The following CERT1 variants were observed in gnomAD, a reference collection of about 807,000 sequenced individuals.
The protein encoded by CERT1 is ceramide transfer protein.
A neutral mutation model predicts 87.9 loss-of-function variants in CERT1; 31 were observed. That is an observed-to-expected ratio of 0.35 (90% CI 0.27 to 0.48). The LOEUF is 0.48. CERT1 is among the 20% of genes least tolerant of loss of function. The pLI, the probability that CERT1 is intolerant of heterozygous loss-of-function variation, is 0.99. For synonymous variants in CERT1, 289 were observed against 250.9 expected, an observed-to-expected ratio of 1.15 and a Z score of -1.44; for missense variants, 487 against 758.0, an observed-to-expected ratio of 0.64 and a Z score of 4.20.
chr5:75,498,229 C>T (rs975337780), intron 2 of CERT1, among the ~76,000 whole-genome samples: 2 of 152,184 alleles, frequency 1.3e-5, no homozygotes, highest in Non-Finnish European at 2.9e-5. Flanking sequence ...GGAAAATCTG[C>T]AGCCTGTTGA....
intron 2 of CERT1, among the ~76,000 whole-genome samples, chr5:75,497,811 G>A (rs1300850101): frequency 7.2e-5 from 11 of 152,150 alleles, no homozygotes; most frequent in African/African-American, 1.2e-4. Flanking sequence ...AAGTGGTACC[G>A]TAGAGAGTGG....
At chr5:75,479,659 T>TTAGATAAAGAAAATG (rs1766135370) in intron 2 of CERT1, among the ~76,000 whole-genome samples, 1 of 152,248 alleles carries the variant, frequency 6.6e-6, no homozygotes, top group Non-Finnish European at 1.5e-5. Context: ...ATGGTGTCTA[T>TTAGATAAAGAAAATG]GTACCACATT....
At chr5:75,510,256 A>T (rs907195832) in intron 1 of CERT1, among the ~76,000 whole-genome samples, 1 of 152,174 alleles carries the variant, frequency 6.6e-6, no homozygotes, top group Non-Finnish European at 1.5e-5. Context: ...AGAGAAGTCA[A>T]AAAGGCTACG....
intron 2 of CERT1, among the ~76,000 whole-genome samples, chr5:75,479,809 T>A (rs1050419174): frequency 6.6e-6 from 1 of 152,212 alleles, no homozygotes; most frequent in South Asian, 2.1e-4. Context: ...ATATATTCAG[T>A]AATGGAATTG....
At chr5:75,420,308 G>T (rs1280328363) in intron 5 of CERT1, among the ~76,000 whole-genome samples, 1 of 151,048 alleles carries the variant, frequency 6.6e-6, no homozygotes, top group Non-Finnish European at 1.5e-5. Context: ...TTTCTGATGT[G>T]CAAGGAAAAT....
At chr5:75,449,391 C>T (rs1764685446) in intron 3 of CERT1, among the ~76,000 whole-genome samples, 1 of 152,194 alleles carries the variant, frequency 6.6e-6, no homozygotes, top group Non-Finnish European at 1.5e-5. Flanking sequence ...GTTAAGTATA[C>T]AATTCCAACT....
chr5:75,463,322 A>G (rs1487269867), intron 2 of CERT1, among the ~76,000 whole-genome samples: 2 of 152,214 alleles, frequency 1.3e-5, no homozygotes, highest in African/African-American at 4.8e-5. Flanking sequence ...TTTGTCCATT[A>G]GAATTTTTTG....
intron 2 of CERT1, among the ~76,000 whole-genome samples, chr5:75,489,806 C>A (rs866129438): frequency 2.6e-5 from 4 of 152,248 alleles, no homozygotes; most frequent in Middle Eastern, 3.4e-3. Flanking sequence ...ATTAGTTCAA[C>A]CATTGTGGAA....
chr5:75,483,516 A>C (rs1766353111), intron 2 of CERT1, among the ~76,000 whole-genome samples: 1 of 152,212 alleles, frequency 6.6e-6, no homozygotes, highest in Admixed American at 6.5e-5. Context: ...CAATATGAAC[A>C]TATAAGAAGG....
At chr5:75,481,297 T>C (rs1766230091) in intron 2 of CERT1, among the ~76,000 whole-genome samples, 1 of 152,112 alleles carries the variant, frequency 6.6e-6, no homozygotes, top group Admixed American at 6.6e-5. Flanking sequence ...ATTCCCCATT[T>C]CACTCATTAT....
rs117976858 is a variant in CERT1, at chr5:75,457,827, A to G, written c.348+1238T>C. Among the ~76,000 whole-genome samples the G allele has an allele frequency of 1.1e-3, 162 of 150,296 alleles. 1 individual carries two copies. The East Asian group carries it at 0.028, about 26-fold the overall frequency. ...CCAAAACAGTGCCTGAGATTTCACAATCGCATACTTCTTTATCAATCGTGT... is the reference window on the plus strand; with the variant it reads ...CCAAAACAGTGCCTGAGATTTCACAGTCGCATACTTCTTTATCAATCGTGT... On this transcript the variant is annotated intron_variant, in intron 3 of 16. Coordinates refer to ENST00000643780, the MANE Select transcript of CERT1 (RefSeq NM_001379029.1).
intron 2 of CERT1, among the ~76,000 whole-genome samples, chr5:75,489,513 A>G (rs1766676773): frequency 6.6e-6 from 1 of 152,234 alleles, no homozygotes; most frequent in African/African-American, 2.4e-5. Flanking sequence ...CAAATGGCCA[A>G]TATGCAGAAT....
chr5:75,505,114 C>T (rs1767590513), intron 2 of CERT1: 1 of 152,130 alleles, frequency 6.6e-6, no homozygotes, highest in African/African-American at 2.4e-5. Flanking sequence ...CAGTGAAACC[C>T]CATTTCTACT....
Position 75,459,128 on chromosome 5 carries a change from C to T in CERT1, c.285G>A (p.Trp95Ter). ...RFDISVNDSV[W>*]YLRAQDPDHR... Reference sequence around the variant, plus strand: ...GATCTGGATCCTGAGCACGAAGATACCAAACACTATCATTTACACTAATAT... The same window carrying T: ...GATCTGGATCCTGAGCACGAAGATATCAAACACTATCATTTACACTAATAT... Residue 95 changes from tryptophan (W) to a stop codon, truncating the protein, a stop_gained, in exon 3 of 17, where the codon TGG becomes TGA. Coordinates refer to ENST00000643780, the MANE Select transcript of CERT1 (RefSeq NM_001379029.1). LOFTEE classifies it high-confidence loss of function. The T allele has an allele frequency of 6.2e-7, 1 of 1,613,198 alleles. No homozygotes were observed. Among genetic ancestry groups the T allele is most frequent in the Non-Finnish European group, 8.5e-7 (1 of 1,179,272 alleles).
intron 3 of CERT1, among the ~76,000 whole-genome samples, chr5:75,456,267 T>C (rs1764977182): frequency 1.3e-5 from 2 of 152,168 alleles, no homozygotes. Context: ...TATTCACTGA[T>C]AGGCTGCTCA....
At chr5:75,449,661 T>C (rs1038313411) in intron 3 of CERT1, among the ~76,000 whole-genome samples, 8 of 152,064 alleles carry the variant, frequency 5.3e-5, no homozygotes, top group African/African-American at 1.9e-4. Flanking sequence ...CAGCAATGTA[T>C]GAGATTACTT....
chr5:75,388,640 A>ATATATATATCTATC (rs1491495747), intron 12 of CERT1, among the ~76,000 whole-genome samples: 1 of 109,912 alleles, frequency 9.1e-6, no homozygotes, highest in African/African-American at 3.4e-5. Flanking sequence ...ATATATATAT[A>ATATATATATCTATC]TCTCACACAG....
intron 2 of CERT1, among the ~76,000 whole-genome samples, chr5:75,487,394 G>A (rs1426331631): frequency 6.6e-6 from 1 of 151,778 alleles, no homozygotes; most frequent in African/African-American, 2.4e-5. Context: ...AAAACACTGG[G>A]GAAACTCCAG....
At chr5:75,449,766 T>G (rs1253870908) in intron 3 of CERT1, among the ~76,000 whole-genome samples, 1 of 152,102 alleles carries the variant, frequency 6.6e-6, no homozygotes, top group Non-Finnish European at 1.5e-5. Context: ...AGGTTTACAT[T>G]TGCATTTTTC....
Sources: gnomAD v4.1 joint callset for allele counts (sites outside exome capture counted in the v4.1 genomes callset) on GRCh38, gnomAD v4.1.1 for gene constraint, MANE v1.5 for transcripts, NCBI Gene and HGNC (gene_info 2026-07-23, HGNC 2026-07-21) for gene names.